Variants in ERC2 observed in about 807,000 individuals in gnomAD.
The protein encoded by ERC2 is ELKS/RAB6-interacting/CAST family member 2.
In ERC2, 42 loss-of-function variants were observed where a neutral mutation model predicts 114.8. The ratio of observed to expected loss-of-function variants is 0.37; its 90% CI spans 0.29 to 0.47. The LOEUF (loss-of-function observed/expected upper bound fraction) is 0.47. Among genes scored for constraint, ERC2 ranks in the 20% least tolerant of loss-of-function variants. The probability of loss-of-function intolerance (pLI) is 0.99; values close to 1 mark genes in which losing one functional copy is unlikely to be tolerated. For missense variants in ERC2, 939 were observed against 1,150.7 expected (o/e 0.82, Z 2.66); for synonymous variants, 454 against 425.5 (o/e 1.07, Z -0.82).
At chr3:55,860,093 C>T (rs965095533) in intron 14 of ERC2, among the ~76,000 whole-genome samples, 1 of 152,140 alleles carries the variant, frequency 6.6e-6, no homozygotes, top group Non-Finnish European at 1.5e-5. Context: ...TAATTATACC[C>T]TCAGCCCCAT....
intron 12 of ERC2, among the ~76,000 whole-genome samples, chr3:55,974,738 C>G (rs1028757525): frequency 6.6e-5 from 10 of 152,158 alleles, no homozygotes; most frequent in Non-Finnish European, 2.9e-5. Context: ...GGCCCACTCA[C>G]CAGGCCCACT....
chr3:56,153,217 AG>A (rs1351584652), intron 4 of ERC2, among the ~76,000 whole-genome samples: 3 of 152,176 alleles, frequency 2.0e-5, no homozygotes, highest in Admixed American at 2.0e-4. Context: ...TTGCCAGGTG[AG>A]TAAGATACCA....
chr3:55,887,543 G>A (rs897059900), intron 14 of ERC2, among the ~76,000 whole-genome samples: 1 of 152,180 alleles, frequency 6.6e-6, no homozygotes, highest in Non-Finnish European at 1.5e-5. Flanking sequence ...TTATAATTTA[G>A]TGATGATTTC....
At chr3:55,907,098 G>T (rs1309337238) in intron 13 of ERC2, among the ~76,000 whole-genome samples, 1 of 152,198 alleles carries the variant, frequency 6.6e-6, no homozygotes, top group Non-Finnish European at 1.5e-5. Context: ...GAATCAGAAA[G>T]TGTCTGCAAA....
At chr3:55,687,439 A>G (rs2062391596) in intron 16 of ERC2, among the ~76,000 whole-genome samples, 1 of 151,774 alleles carries the variant, frequency 6.6e-6, no homozygotes, top group African/African-American at 2.4e-5. Flanking sequence ...TTTTTTCTTG[A>G]AATCAAAGAA....
At chr3:56,390,902 A>G (rs1687832171) in intron 2 of ERC2, among the ~76,000 whole-genome samples, 1 of 152,190 alleles carries the variant, frequency 6.6e-6, no homozygotes, top group African/African-American at 2.4e-5. Context: ...GTGGACTGTG[A>G]CAGCCTAATA....
chr3:55,666,217 T>G (rs970157073), intron 17 of ERC2, among the ~76,000 whole-genome samples: 1 of 152,040 alleles, frequency 6.6e-6, no homozygotes, highest in Non-Finnish European at 1.5e-5. Flanking sequence ...CAGCAGGAGC[T>G]CTCAATCACT....
chr3:55,957,592 A>G (rs1167939272), intron 12 of ERC2, among the ~76,000 whole-genome samples: 1 of 152,200 alleles, frequency 6.6e-6, no homozygotes, highest in Non-Finnish European at 1.5e-5. Flanking sequence ...TTGACCCAGC[A>G]GGCTGTGCTC....
intron 17 of ERC2, among the ~76,000 whole-genome samples, chr3:55,527,191 A>G (rs1359998891): frequency 6.6e-6 from 1 of 152,226 alleles, no homozygotes; most frequent in Non-Finnish European, 1.5e-5. Flanking sequence ...TAGCTATGCA[A>G]CCTTGAACAA....
intron 14 of ERC2, among the ~76,000 whole-genome samples, chr3:55,771,916 T>A (rs969850127): frequency 6.6e-6 from 1 of 152,146 alleles, no homozygotes; most frequent in African/African-American, 2.4e-5. Flanking sequence ...TCCTATCCAG[T>A]TGTAACCTTC....
chr3:56,307,932 G>A lies in ERC2; in HGVS notation c.658-11497C>T, dbSNP rs566954264. On this transcript the variant is annotated intron_variant, in intron 2 of 17. Transcript: ENST00000288221. ...TAGAAGAAAGGTGAGAGGACCAGAG[G>A]GAAACTGTCTCACCAGACCGTCGGC... Among the ~76,000 whole-genome samples, 21 of 151,964 alleles carry A rather than the reference G, an allele frequency of 1.4e-4. No homozygotes were observed. In the South Asian group the frequency reaches 4.4e-3, roughly 32 times the overall value.
At chr3:55,799,434 G>A (rs1227550065) in intron 14 of ERC2, among the ~76,000 whole-genome samples, 4 of 81,722 alleles carry the variant, frequency 4.9e-5, no homozygotes, top group African/African-American at 1.2e-4. Context: ...ATATATATAT[G>A]CCTTATATAT....
At chr3:56,155,858 T>C (rs1044228373) in intron 4 of ERC2, among the ~76,000 whole-genome samples, 1 of 152,300 alleles carries the variant, frequency 6.6e-6, no homozygotes, top group African/African-American at 2.4e-5. Flanking sequence ...AGAGCATGTA[T>C]GTATCAAGGA....
At chr3:55,639,968 C>T (rs1363095645) in intron 17 of ERC2, among the ~76,000 whole-genome samples, 1 of 150,826 alleles carries the variant, frequency 6.6e-6, no homozygotes, top group African/African-American at 2.4e-5. Flanking sequence ...AAGAAGGAGG[C>T]AGATCCACAC....
chr3:56,117,652 G>C (rs1289912409), intron 6 of ERC2, among the ~76,000 whole-genome samples: 1 of 152,226 alleles, frequency 6.6e-6, no homozygotes, highest in Non-Finnish European at 1.5e-5. Flanking sequence ...GTGTGGGCAT[G>C]AAGTTTGACA....
intron 17 of ERC2, among the ~76,000 whole-genome samples, chr3:55,556,153 T>G (rs1279036516): frequency 6.6e-6 from 1 of 152,210 alleles, no homozygotes; most frequent in Non-Finnish European, 1.5e-5. Context: ...AGGACTCACG[T>G]GACTGCATTT....
chr3:56,047,780 C>T (rs1440965856), intron 7 of ERC2, among the ~76,000 whole-genome samples: 1 of 152,170 alleles, frequency 6.6e-6, no homozygotes, highest in Non-Finnish European at 1.5e-5. Context: ...CCGTAGATTT[C>T]CTCCTTTCCA....
intron 14 of ERC2, chr3:55,852,593 C>T (rs952009974): frequency 3.9e-5 from 6 of 153,298 alleles, no homozygotes; most frequent in African/African-American, 1.4e-4. Context: ...TTAAAAATTC[C>T]TTTAAAAAAA....
At chr3:55,914,291 C>G (rs1442195413) in intron 13 of ERC2, among the ~76,000 whole-genome samples, 1 of 152,096 alleles carries the variant, frequency 6.6e-6, no homozygotes, top group African/African-American at 2.4e-5. Flanking sequence ...TGTTCTTAGT[C>G]TCACTCCCTC....
Sources: allele counts gnomAD v4.1 joint callset (sites outside exome capture counted in the v4.1 genomes callset), GRCh38; gene constraint gnomAD v4.1.1; transcripts MANE v1.5; gene names NCBI Gene and HGNC (gene_info 2026-07-23, HGNC 2026-07-21).